The following OPCML variants were observed in gnomAD, a reference collection of about 807,000 sequenced individuals.
OPCML encodes opioid binding protein/cell adhesion molecule like, also known as opioid-binding protein/cell adhesion molecule.
In OPCML, 13 loss-of-function variants were observed where a neutral mutation model predicts 37.8. That is an observed-to-expected ratio of 0.34 (90% confidence interval 0.22 to 0.55). The LOEUF is 0.55. Among genes scored for constraint, OPCML ranks in the 20% least tolerant of loss-of-function variants. The probability of loss-of-function intolerance (pLI) is 0.91; values close to 1 mark genes in which losing one functional copy is unlikely to be tolerated. For synonymous variants in OPCML, 176 were observed against 168.8 expected (o/e 1.04, Z -0.33); for missense variants, 341 against 435.6 (o/e 0.78, Z 1.93).
At chr11:132,628,848 C>G (rs1939907183) in intron 3 of OPCML, among the ~76,000 whole-genome samples, 1 of 152,128 alleles carries the variant, frequency 6.6e-6, no homozygotes. Context: ...TCCGTCTTTG[C>G]TTGGCACTTC....
At chr11:132,778,692 A>G (rs1946888348) in intron 2 of OPCML, among the ~76,000 whole-genome samples, 1 of 152,186 alleles carries the variant, frequency 6.6e-6, no homozygotes, top group Non-Finnish European at 1.5e-5. Flanking sequence ...ATGGAAATAA[A>G]AACTGAAATG....
At chr11:133,532,077 G>A in intron 1 of OPCML, 187 bp downstream of exon 1, 1 of 543,350 alleles carries the variant, frequency 1.8e-6, no homozygotes, top group Non-Finnish European at 2.3e-6. Flanking sequence ...GAAAGCATCT[G>A]CGCGCGTGTG....
chr11:132,469,501 ATGTG>A (rs757711908), intron 4 of OPCML, among the ~76,000 whole-genome samples: 2 of 136,760 alleles, frequency 1.5e-5, no homozygotes, highest in Non-Finnish European at 3.2e-5. Flanking sequence ...GTGTGTATGT[ATGTG>A]TGTGTATGTG....
intron 1 of OPCML, among the ~76,000 whole-genome samples, chr11:133,510,810 C>T (rs1477067844): frequency 3.3e-5 from 5 of 152,090 alleles, no homozygotes; most frequent in Non-Finnish European, 7.4e-5. Flanking sequence ...ACTCTCTTCT[C>T]TTCCCTTTCT....
At chr11:133,165,086 G>T (rs1249525784) in intron 1 of OPCML, among the ~76,000 whole-genome samples, 1 of 152,224 alleles carries the variant, frequency 6.6e-6, no homozygotes, top group Admixed American at 6.5e-5. Flanking sequence ...GGTACTCAGA[G>T]CAAAACATAT....
At chr11:133,039,986 A>G (rs1947859109) in intron 1 of OPCML, among the ~76,000 whole-genome samples, 3 of 151,662 alleles carry the variant, frequency 2.0e-5, no homozygotes, top group Non-Finnish European at 2.9e-5. Context: ...CCAAGATCAC[A>G]CCACTGCACT....
At chr11:133,077,567 A>G (rs867227929) in intron 1 of OPCML, among the ~76,000 whole-genome samples, 3 of 152,220 alleles carry the variant, frequency 2.0e-5, no homozygotes, top group Admixed American at 2.0e-4. Flanking sequence ...AATAACTTCA[A>G]AAGCAAAAAG....
chr11:132,647,036 A>T (rs1407092821), intron 3 of OPCML, among the ~76,000 whole-genome samples: 3 of 152,254 alleles, frequency 2.0e-5, no homozygotes, highest in Non-Finnish European at 4.4e-5. Context: ...AAGCAGAGGC[A>T]ACCTGACCTG....
intron 1 of OPCML, among the ~76,000 whole-genome samples, chr11:133,354,648 T>C (rs990759241): frequency 5.3e-5 from 8 of 152,214 alleles, no homozygotes; most frequent in Non-Finnish European, 7.3e-5. Flanking sequence ...TCATCTCTCA[T>C]TTGCAGTATT....
chr11:133,064,104 AG>A (rs1014782076), intron 1 of OPCML, among the ~76,000 whole-genome samples: 10 of 152,172 alleles, frequency 6.6e-5, no homozygotes, highest in African/African-American at 2.4e-4. Flanking sequence ...TTGCAGGTGA[AG>A]GGGGCTGACC....
chr11:133,226,603 A>G (rs10791286), intron 1 of OPCML, among the ~76,000 whole-genome samples: 85,314 of 152,104 alleles, frequency 0.56, 24,883 homozygotes, highest in Non-Finnish European at 0.65. Context: ...ATGTATCTAG[A>G]TTAATCACAT....
At chr11:132,994,434 C>T (rs1946844067) in intron 1 of OPCML, among the ~76,000 whole-genome samples, 2 of 152,192 alleles carry the variant, frequency 1.3e-5, no homozygotes, top group Admixed American at 1.3e-4. Flanking sequence ...ACCGGAGGAG[C>T]TGCTGGGGGC....
intron 3 of OPCML, among the ~76,000 whole-genome samples, chr11:132,632,168 T>C (rs189710060): frequency 6.7e-6 from 1 of 149,994 alleles, no homozygotes; most frequent in Non-Finnish European, 1.5e-5. Flanking sequence ...GAGAACATGA[T>C]TGTGCCACAT....
At chr11:133,496,175 G>GT in intron 1 of OPCML, among the ~76,000 whole-genome samples, 1 of 152,190 alleles carries the variant, frequency 6.6e-6, no homozygotes, top group East Asian at 1.9e-4. Context: ...CCCACTTTAT[G>GT]TTTTTGTTTG....
chr11:132,852,726 C>G (rs1240259913), intron 2 of OPCML, among the ~76,000 whole-genome samples: 1 of 152,092 alleles, frequency 6.6e-6, no homozygotes, highest in African/African-American at 2.4e-5. Context: ...TATATCTTGA[C>G]TCCTGAGTAC....
At chr11:132,767,993 G>T (rs1946512432) in intron 2 of OPCML, among the ~76,000 whole-genome samples, 2 of 152,146 alleles carry the variant, frequency 1.3e-5, no homozygotes, top group Non-Finnish European at 2.9e-5. Context: ...TCAGAATATT[G>T]TCTATTCAAG....
intron 1 of OPCML, among the ~76,000 whole-genome samples, chr11:133,195,818 T>C (rs1938513881): frequency 6.6e-6 from 1 of 152,180 alleles, no homozygotes; most frequent in Admixed American, 6.5e-5. Flanking sequence ...AGCAGAGTCT[T>C]AACACATAGT....
intron 2 of OPCML, among the ~76,000 whole-genome samples, chr11:132,759,377 A>G (rs1243486580): frequency 1.3e-5 from 2 of 152,148 alleles, no homozygotes; most frequent in Non-Finnish European, 2.9e-5. Context: ...AAGAAATTGT[A>G]CCAGCTCCTC....
chr11:133,470,909 C>T (rs1304096544), intron 1 of OPCML, among the ~76,000 whole-genome samples: 2 of 152,172 alleles, frequency 1.3e-5, no homozygotes, highest in Admixed American at 1.3e-4. Flanking sequence ...TGGTCCCTGA[C>T]ACAGACTCTC....
Sources: gnomAD v4.1 joint callset for allele counts (sites outside exome capture counted in the v4.1 genomes callset) on GRCh38, gnomAD v4.1.1 for gene constraint, MANE v1.5 for transcripts, NCBI Gene and HGNC (gene_info 2026-07-23, HGNC 2026-07-21) for gene names.